PLAGL1: variants seen among roughly 807,000 people sequenced by gnomAD.
The protein encoded by PLAGL1 is zinc finger protein PLAGL1.
In PLAGL1, 1 loss-of-function variant was observed where a neutral mutation model predicts 4.6. That is an observed-to-expected ratio of 0.22 (90% confidence interval 0.08 to 1.03). The LOEUF (loss-of-function observed/expected upper bound fraction) is 1.03, where lower values mean the gene tolerates loss of function less well. PLAGL1 is among the 50% of genes least tolerant of loss of function. The probability of loss-of-function intolerance (pLI) is 0.58; values close to 1 mark genes in which losing one functional copy is unlikely to be tolerated. For synonymous variants in PLAGL1, 240 were observed against 237.8 expected (o/e 1.01, Z -0.08); for missense variants, 464 against 570.4 (o/e 0.81, Z 1.90).
chr6:144,021,344 G>A (rs777445424), intron 1 of PLAGL1, among the ~76,000 whole-genome samples: 3 of 152,052 alleles, frequency 2.0e-5, no homozygotes, highest in Non-Finnish European at 4.4e-5. Context: ...GTGTTATTGG[G>A]CTAACATTAA....
rs1785929731 is a variant in PLAGL1, at chr6:143,973,935, GA to G, written c.-543-4958del. Among the ~76,000 whole-genome samples, 1 of 152,198 alleles carries G rather than the reference GA, an allele frequency of 6.6e-6. No individual in the cohort carries two copies. Among genetic ancestry groups the G allele is most frequent in the Non-Finnish European group, 1.5e-5 (1 of 68,040 alleles). On this transcript the variant is annotated intron_variant, in intron 2 of 7. Coordinates refer to ENST00000674357, the MANE Select transcript of PLAGL1 (RefSeq NM_001317162.2). The surrounding 1 kb of genome is among the most constrained non-coding windows in gnomAD (Gnocchi z 6.2). ...AATTCTGTTTGTACAACAAAAGTGT[GA>G]ACAGAGATATAACAGGTTTTTTTGG...
At position 144,008,220 on chromosome 6, in the gene PLAGL1, CCCGT is replaced by C. The variant is rs918032626; in HGVS notation, c.-718_-715del. The C allele has an allele frequency of 2.0e-5, 3 of 151,806 alleles. No individual in the cohort carries two copies. The highest frequency in any genetic ancestry group is 2.9e-5 in the Non-Finnish European group (2 of 68,018). 9.4% of individuals were successfully genotyped at this position (151,806 alleles called of 1,614,324 possible). On this transcript the variant is annotated 5_prime_UTR_variant, in exon 1 of 8. Coordinates refer to ENST00000674357, the MANE Select transcript of PLAGL1 (RefSeq NM_001317162.2). The surrounding 1 kb of genome is among the most constrained non-coding windows in gnomAD (Gnocchi z 6.9). ...GCTGCTGAGCTGTGAGCACGGCTGC[CCCGT>C]CCGTCCGTCCGTCCAGCACCCGCCC...
At position 143,964,955 on chromosome 6, in the gene PLAGL1, TGGA is replaced by T; in HGVS notation, c.-430-140_-430-138del. 1 of 152,278 alleles carries T rather than the reference TGGA, an allele frequency of 6.6e-6. No homozygotes were observed. Among genetic ancestry groups the T allele is most frequent in the East Asian group, 1.9e-4 (1 of 5,170 alleles). The allele number at this position is 152,278 out of a possible 1,614,324, so 9.4% of individuals were successfully genotyped here. ...GAGGAAAGAGAGCAGCTGGTGCTGCTGGAGTCATGAGATCCAGGACACCCCCGT... is the reference window on the plus strand; with the variant it reads ...GAGGAAAGAGAGCAGCTGGTGCTGCTGTCATGAGATCCAGGACACCCCCGT... On this transcript the variant is annotated intron_variant, in intron 4 of 7. Transcript: ENST00000674357. The surrounding 1 kb of genome is among the most constrained non-coding windows in gnomAD (Gnocchi z 4.3).
Position 143,957,940 on chromosome 6 carries a change from TA to T in PLAGL1, c.-325+2528del, listed in dbSNP as rs1782505961. 6.6e-6 allele frequency among the ~76,000 whole-genome samples: 1 copy of T among 152,214 alleles called. No homozygotes were observed. Among genetic ancestry groups the T allele is most frequent in the Admixed American group, 6.5e-5 (1 of 15,286 alleles). ...TTTCTAAAGTTTGATAATGACTACT[TA>T]GGCTGAGTCTAGGAGTATACCCGGT... is the stretch of plus-strand genomic sequence containing the variant. On this transcript the variant is annotated intron_variant, in intron 6 of 7. Transcript: ENST00000674357. The surrounding 1 kb of genome is among the most constrained non-coding windows in gnomAD (Gnocchi z 4.2).
At chr6:144,028,731 A>G (rs940249505) in intron 1 of PLAGL1, among the ~76,000 whole-genome samples, 1 of 152,218 alleles carries the variant, frequency 6.6e-6, no homozygotes, top group East Asian at 1.9e-4. Context: ...CTGAGGGTGT[A>G]GAGAATGTCA....
At chr6:144,042,122 G>A (rs1267115498) in intron 1 of PLAGL1, among the ~76,000 whole-genome samples, 1 of 152,126 alleles carries the variant, frequency 6.6e-6, no homozygotes, top group African/African-American at 2.4e-5. Flanking sequence ...CCATTCTGTA[G>A]GTTACCTGTT....
chr6:143,994,197 C>G lies in PLAGL1; in HGVS notation c.-583-9023G>C, dbSNP rs1406011484. The stretch of plus-strand genomic sequence containing the variant: ...TGGACCAGGGACTCCCTAAAGTATA[C>G]TCGTGAAATTTATAACTTACAATGT... On this transcript the variant is annotated intron_variant, in intron 1 of 7. Transcript: ENST00000674357. This position sits in a 1 kb window ranked among gnomAD's most constrained non-coding sequence, Gnocchi z 4.3. Among the ~76,000 whole-genome samples the G allele has an allele frequency of 6.6e-6, 1 of 152,118 alleles. No homozygotes were observed. Among genetic ancestry groups the G allele is most frequent in the Non-Finnish European group, 1.5e-5 (1 of 68,030 alleles).
intron 1 of PLAGL1, among the ~76,000 whole-genome samples, chr6:144,047,717 T>A (rs536534963): frequency 8.0e-4 from 121 of 152,164 alleles, no homozygotes; most frequent in Non-Finnish European, 1.2e-3. Context: ...TTGTGAGGAT[T>A]ATGGAGATTA....
intron 1 of PLAGL1, among the ~76,000 whole-genome samples, chr6:144,028,194 T>C (rs751471686): frequency 1.5e-4 from 23 of 151,936 alleles, no homozygotes; most frequent in Admixed American, 2.0e-4. Flanking sequence ...GAATACTCTG[T>C]CTAAAATTAA....
rs1799607668 is a variant in PLAGL1, at chr6:144,063,679, G to T, written c.-151+789C>A. Among the ~76,000 whole-genome samples, 1 of 152,272 alleles carries T rather than the reference G, an allele frequency of 6.6e-6. No homozygotes were observed. Among genetic ancestry groups the T allele is most frequent in the South Asian group, 2.1e-4 (1 of 4,824 alleles). On this transcript the variant is annotated intron_variant, in intron 1 of 3. Coordinates refer to the PLAGL1 transcript ENST00000437412. This position sits in a 1 kb window ranked among gnomAD's most constrained non-coding sequence, Gnocchi z 5.7. ...TTTCAATAAAATGAACAGGTCCCGC[G>T]CTCCTAGACCCATGAACACTCGGGA... is the stretch of plus-strand genomic sequence containing the variant.
At chr6:144,003,843 T>G (rs1446564361) in intron 1 of PLAGL1, among the ~76,000 whole-genome samples, 1 of 152,176 alleles carries the variant, frequency 6.6e-6, no homozygotes, top group African/African-American at 2.4e-5. Context: ...TTCAACATTA[T>G]TAGTGTTTAT....
At position 143,995,113 on chromosome 6, in the gene PLAGL1, A is replaced by G. The variant is rs1791336121; in HGVS notation, c.-583-9939T>C. Reference sequence around the variant, plus strand: ...GGAAAGGCTTCATTCTTTCTCAGCCAAAATTTTCTTATTTGTACAAAGGAG... The same window carrying G: ...GGAAAGGCTTCATTCTTTCTCAGCCGAAATTTTCTTATTTGTACAAAGGAG... On this transcript the variant is annotated intron_variant, in intron 1 of 7. Transcript: ENST00000674357. The surrounding 1 kb of genome is among the most constrained non-coding windows in gnomAD (Gnocchi z 4.4). Among the ~76,000 whole-genome samples, 1 of 148,346 alleles carries G rather than the reference A, an allele frequency of 6.7e-6. No individual in the cohort carries two copies. Among genetic ancestry groups the G allele is most frequent in the East Asian group, 2.0e-4 (1 of 4,936 alleles).
Position 143,979,819 on chromosome 6 carries a change from A to G in PLAGL1, c.-544+5316T>C, listed in dbSNP as rs77715917. ...TCTTTATTAAATCAACTGACAATAA[A>G]TGTGAGAGTTTAAAAAAAAAGATTT... On this transcript the variant is annotated intron_variant, in intron 2 of 7. Transcript: ENST00000674357. The surrounding 1 kb of genome is among the most constrained non-coding windows in gnomAD (Gnocchi z 4.6). Among the ~76,000 whole-genome samples the G allele has an allele frequency of 0.031, 4,687 of 152,140 alleles. 254 individuals carry two copies. Among genetic ancestry groups the G allele is most frequent in the African/African-American group, 0.11 (4,456 of 41,506 alleles).
Position 143,978,429 on chromosome 6 carries a change from G to C in PLAGL1, c.-544+6706C>G, listed in dbSNP as rs977400881. On this transcript the variant is annotated intron_variant, in intron 2 of 7. Coordinates refer to ENST00000674357, the MANE Select transcript of PLAGL1 (RefSeq NM_001317162.2). The surrounding 1 kb of genome is among the most constrained non-coding windows in gnomAD (Gnocchi z 4.6). Reference sequence around the variant, plus strand: ...CTTGAGATTTTTCTTTGATCCATGGGTTATTTAGAAGCATACTGTTTAATT... The same window carrying C: ...CTTGAGATTTTTCTTTGATCCATGGCTTATTTAGAAGCATACTGTTTAATT... 6.6e-6 allele frequency among the ~76,000 whole-genome samples: 1 copy of C among 152,008 alleles called. No homozygotes were observed. The highest frequency in any genetic ancestry group is 1.5e-5 in the Non-Finnish European group (1 of 67,990).
rs926008552 is a variant in PLAGL1 at position 143,968,945 on chromosome 6, C to T, written c.-510G>A. On this transcript the variant is annotated 5_prime_UTR_variant, in exon 3 of 8. It adds an upstream start codon to the 5' untranslated region. Transcript: ENST00000674357. The surrounding 1 kb of genome is among the most constrained non-coding windows in gnomAD (Gnocchi z 6.3). ...GTACAGATGAGTTTCAGATGTGACA[C>T]GAGGCAGCAGCCACATTAGACGTGA... is the stretch of plus-strand genomic sequence containing the variant. 1 of 149,794 alleles carries T rather than the reference C, an allele frequency of 6.7e-6. No individual in the cohort carries two copies. Among genetic ancestry groups the T allele is most frequent in the Non-Finnish European group, 1.5e-5 (1 of 67,736 alleles). 9.3% of individuals were successfully genotyped at this position (149,794 alleles called of 1,614,324 possible). A position where few individuals can be genotyped will look rare whatever the true frequency, so the allele number is the denominator to read the frequency against.
intron 1 of PLAGL1, among the ~76,000 whole-genome samples, chr6:143,988,383 C>T (rs1789678829): frequency 6.6e-6 from 1 of 152,112 alleles, no homozygotes; most frequent in African/African-American, 2.4e-5. Context: ...CCATAAATGC[C>T]CTTGGCAGTG....
chr6:144,029,173 T>C (rs75215261), intron 1 of PLAGL1, among the ~76,000 whole-genome samples: 22,843 of 152,236 alleles, frequency 0.15, 2,015 homozygotes, highest in Admixed American at 0.25. Context: ...TTTTAATTTA[T>C]AAAGAATGGA....
rs1489991391 is a variant in PLAGL1 at position 144,056,954 on chromosome 6, C to CT, written c.-151+7513dup. On this transcript the variant is annotated intron_variant, in intron 1 of 3. Coordinates refer to the PLAGL1 transcript ENST00000437412. The surrounding 1 kb of genome is among the most constrained non-coding windows in gnomAD (Gnocchi z 4.7). ...GAGCCACTATGCCTGACTCTCATTT[C>CT]TTTTTAGTGCTAAATAATGTCCCAT... is the stretch of plus-strand genomic sequence containing the variant. Among the ~76,000 whole-genome samples, 2 of 152,206 alleles carry CT rather than the reference C, an allele frequency of 1.3e-5. No homozygotes were observed. The highest frequency in any genetic ancestry group is 1.3e-4 in the Admixed American group (2 of 15,280).
chr6:143,991,475 T>C (rs1051871099), intron 1 of PLAGL1, among the ~76,000 whole-genome samples: 5 of 152,148 alleles, frequency 3.3e-5, no homozygotes, highest in African/African-American at 1.2e-4. Context: ...GCCAAATTGG[T>C]GAGCATGAGG....
Sources: gnomAD v4.1 joint callset for allele counts (sites outside exome capture counted in the v4.1 genomes callset) on GRCh38, gnomAD v4.1.1 for gene constraint, Gnocchi (gnomAD v3.1) non-coding constraint, MANE v1.5 for transcripts, NCBI Gene and HGNC (gene_info 2026-07-23, HGNC 2026-07-21) for gene names.